The following NEDD4L variants were observed in gnomAD, a reference collection of about 807,000 sequenced individuals.
The protein encoded by NEDD4L is E3 ubiquitin-protein ligase NEDD4-like.
A neutral mutation model predicts 148.9 loss-of-function variants in NEDD4L; 54 were observed. That is an observed-to-expected ratio of 0.36 (90% CI 0.29 to 0.45). NEDD4L has a LOEUF of 0.45. Ranked by LOEUF, NEDD4L falls within the 20% of genes least tolerant of loss-of-function variation. The pLI is 1.00. For synonymous variants in NEDD4L, 433 were observed against 440.7 expected, an observed-to-expected ratio of 0.98 and a Z score of 0.22; for missense variants, 856 against 1,233.8, an observed-to-expected ratio of 0.69 and a Z score of 4.59.
In NEDD4L at chr18:58,044,807, C is replaced by T. The variant is rs577920837; in HGVS notation, c.48+99C>T. ...GGGCCGTCCCCGGGGTGCTCGTGCCCAGCGTCTGCAGGGGAGCCCCAAAGC... is the reference window on the plus strand; with the variant it reads ...GGGCCGTCCCCGGGGTGCTCGTGCCTAGCGTCTGCAGGGGAGCCCCAAAGC... On this transcript the variant is annotated intron_variant, in intron 1 of 30. Coordinates refer to ENST00000400345, the MANE Select transcript of NEDD4L (RefSeq NM_001144967.3). 58 of 1,447,010 alleles carry T rather than the reference C, an allele frequency of 4.0e-5. No homozygotes were observed. The African/African-American group carries it at 5.6e-4, about 14-fold the overall frequency. The allele number at this position is 1,447,010 out of a possible 1,614,324, so 89.6% of individuals were successfully genotyped here. A position where few individuals can be genotyped will look rare whatever the true frequency, so the allele number is the denominator to read the frequency against.
chr18:58,256,101 C>A lies in NEDD4L; in HGVS notation c.297+4047C>A. ...TCGCCGAGGGACACCCCCGGGAGCT[C>A]CCCTCCGAGGGCAGCCCGGGACCCA... On this transcript the variant is annotated intron_variant, in intron 5 of 30. Transcript: ENST00000400345. The surrounding 1 kb of genome is among the most constrained non-coding windows in gnomAD (Gnocchi z 5.2). The A allele has an allele frequency of 8.1e-7, 1 of 1,227,424 alleles. No individual in the cohort carries two copies. The highest frequency in any genetic ancestry group is 1.0e-6 in the Non-Finnish European group (1 of 985,254). 76.0% of individuals were successfully genotyped at this position (1,227,424 alleles called of 1,614,324 possible).
chr18:58,386,981 T>C (rs1367079784), intron 26 of NEDD4L, among the ~76,000 whole-genome samples: 1 of 152,114 alleles, frequency 6.6e-6, no homozygotes, highest in Non-Finnish European at 1.5e-5. Context: ...CACGCCACAG[T>C]TAGTGGTACC....
chr18:58,296,731 G>A (rs1441491471), intron 5 of NEDD4L, among the ~76,000 whole-genome samples: 2 of 152,194 alleles, frequency 1.3e-5, no homozygotes, highest in African/African-American at 4.8e-5. Flanking sequence ...AGACCAGCCT[G>A]GCCAACATGG....
intron 19 of NEDD4L, among the ~76,000 whole-genome samples, chr18:58,360,297 TTCTC>T (rs1021436336): frequency 6.6e-5 from 10 of 152,354 alleles, no homozygotes; most frequent in Admixed American, 1.3e-4. Flanking sequence ...ATTTTTCCGA[TTCTC>T]TCTAAGTATC....
intron 2 of NEDD4L, among the ~76,000 whole-genome samples, chr18:58,233,194 A>G (rs965401427): frequency 9.2e-5 from 14 of 152,332 alleles, no homozygotes; most frequent in African/African-American, 3.1e-4. Flanking sequence ...TGGGGATGCT[A>G]TGCAATAATC....
intron 1 of NEDD4L, among the ~76,000 whole-genome samples, chr18:58,152,336 C>T (rs1019809037): frequency 1.3e-5 from 2 of 152,068 alleles, no homozygotes; most frequent in East Asian, 1.9e-4. Context: ...TTGCTGGCTC[C>T]GAGAGAGTCA....
chr18:58,157,465 TAC>T (rs143242217), intron 1 of NEDD4L, among the ~76,000 whole-genome samples: 1 of 151,754 alleles, frequency 6.6e-6, no homozygotes, highest in South Asian at 2.1e-4. Context: ...CAAATATTCG[TAC>T]ACACACACAC....
intron 5 of NEDD4L, among the ~76,000 whole-genome samples, chr18:58,313,433 C>G (rs1469410978): frequency 6.6e-6 from 1 of 152,174 alleles, no homozygotes; most frequent in African/African-American, 2.4e-5. Context: ...TTTACCAGAA[C>G]CCTCTGAAGT....
At chr18:58,228,627 G>A (rs1356210421) in intron 2 of NEDD4L, among the ~76,000 whole-genome samples, 1 of 152,224 alleles carries the variant, frequency 6.6e-6, no homozygotes, top group East Asian at 1.9e-4. Context: ...TCCTCAAGGT[G>A]CTTAATCAGT....
At chr18:58,237,351 C>A (rs1040172647) in intron 2 of NEDD4L, among the ~76,000 whole-genome samples, 1 of 152,150 alleles carries the variant, frequency 6.6e-6, no homozygotes, top group Non-Finnish European at 1.5e-5. Flanking sequence ...TTCCTTATAG[C>A]CTTGTGAGTT....
At position 58,364,946 on chromosome 18, in the gene NEDD4L, T is replaced by G. The variant is rs191688540; in HGVS notation, c.1833+613T>G. On this transcript the variant is annotated intron_variant, in intron 20 of 30. Transcript: ENST00000400345. ...AAATTGTTCAACATTGCATCCTCTG[T>G]TTTACTTTCCGATTCCTCCTTAGCA... 2.6e-5 allele frequency among the ~76,000 whole-genome samples: 4 copies of G among 152,336 alleles called. 1 individual carries two copies. The highest frequency in any genetic ancestry group is 2.6e-4 in the Admixed American group (4 of 15,314).
In NEDD4L at chr18:58,333,831, C is replaced by T; in HGVS notation, c.1004C>T (p.Ser335Phe). The T allele has an allele frequency of 3.1e-6, 5 of 1,613,766 alleles. No homozygotes were observed. Among genetic ancestry groups the T allele is most frequent in the Non-Finnish European group, 3.4e-6 (4 of 1,179,720 alleles). Residue 335 changes from serine (S) to phenylalanine (F), a missense_variant, in exon 12 of 31, where the codon TCC (serine) becomes TTC (phenylalanine). Ser to Phe is a radical substitution (Grantham distance 155). This residue lies in a region of NEDD4L where 367 missense variants were observed against 422.7 expected (regional missense o/e 0.87). Transcript: ENST00000400345. ...CTCTCCTTCCAGCAAAGAGAACCCT[C>T]CTCAAGGTTGAGGTCATGCAGTGTC... ...QFSSLIQREP[S>F]SRLRSCSVTD...
At chr18:58,315,057 A>G (rs4941387) in intron 5 of NEDD4L, among the ~76,000 whole-genome samples, 2 of 152,210 alleles carry the variant, frequency 1.3e-5, no homozygotes, top group African/African-American at 2.4e-5. Flanking sequence ...CAAGCTGGCT[A>G]TGGGGCTGGT....
At chr18:58,073,510 T>C (rs2083000766) in intron 1 of NEDD4L, among the ~76,000 whole-genome samples, 1 of 152,232 alleles carries the variant, frequency 6.6e-6, no homozygotes, top group African/African-American at 2.4e-5. Context: ...AGATGTGGTA[T>C]ATCCATACAA....
intron 5 of NEDD4L, among the ~76,000 whole-genome samples, chr18:58,292,337 C>T (rs2054883422): frequency 6.6e-6 from 1 of 152,112 alleles, no homozygotes; most frequent in Non-Finnish European, 1.5e-5. Context: ...GAGGTGCTCC[C>T]CACCCCAGCC....
chr18:58,307,828 G>A (rs2057244077), intron 5 of NEDD4L, among the ~76,000 whole-genome samples: 1 of 152,048 alleles, frequency 6.6e-6, no homozygotes, highest in South Asian at 2.1e-4. Context: ...GACACTGCAT[G>A]GTTACCAAGA....
At chr18:58,376,397 T>C (rs1278461598) in intron 24 of NEDD4L, among the ~76,000 whole-genome samples, 1 of 152,226 alleles carries the variant, frequency 6.6e-6, no homozygotes, top group Non-Finnish European at 1.5e-5. Flanking sequence ...GGTGCCCAGT[T>C]TGTTGAATTA....
At chr18:58,384,316 T>C (rs2048727598) in intron 25 of NEDD4L, among the ~76,000 whole-genome samples, 2 of 152,222 alleles carry the variant, frequency 1.3e-5, no homozygotes, top group Non-Finnish European at 2.9e-5. Flanking sequence ...GCGGACTCTT[T>C]TCACTCTCAA....
At chr18:58,332,672 A>C (rs1310123310) in intron 11 of NEDD4L, among the ~76,000 whole-genome samples, 1 of 152,126 alleles carries the variant, frequency 6.6e-6, no homozygotes, top group Non-Finnish European at 1.5e-5. Context: ...CACAGTAACC[A>C]ATGTGGGAAG....
Sources: allele counts gnomAD v4.1 joint callset (sites outside exome capture counted in the v4.1 genomes callset), GRCh38; gene constraint gnomAD v4.1.1; regional missense constraint gnomAD v4.1.1; non-coding constraint Gnocchi (gnomAD v3.1); transcripts MANE v1.5; gene names NCBI Gene and HGNC (gene_info 2026-07-23, HGNC 2026-07-21).